TMEFF2: variants seen among roughly 807,000 people sequenced by gnomAD.
TMEFF2 encodes tomoregulin-2.
A neutral mutation model predicts 53.8 loss-of-function variants in TMEFF2; 28 were observed. The observed-to-expected ratio is 0.52, with a 90% CI of 0.39 to 0.71. The LOEUF (loss-of-function observed/expected upper bound fraction) is 0.71. Ranked by LOEUF, TMEFF2 falls within the 30% of genes least tolerant of loss-of-function variation. The probability of loss-of-function intolerance (pLI) is 0.00; values close to 1 mark genes in which losing one functional copy is unlikely to be tolerated. For synonymous variants in TMEFF2, 162 were observed against 166.3 expected, an observed-to-expected ratio of 0.97 and a Z score of 0.20; for missense variants, 353 against 455.2, an observed-to-expected ratio of 0.78 and a Z score of 2.04.
Position 191,949,694 on chromosome 2 carries a change from CTTT to C in TMEFF2, c.*614_*616del. The C allele has an allele frequency of 1.0e-6, 1 of 985,324 alleles. No homozygotes were observed. Among genetic ancestry groups the C allele is most frequent in the Non-Finnish European group, 1.2e-6 (1 of 829,908 alleles). The allele number at this position is 985,324 out of a possible 1,614,324, so 61.0% of individuals were successfully genotyped here. A position where few individuals can be genotyped will look rare whatever the true frequency, so the allele number is the denominator to read the frequency against. On this transcript the variant is annotated 3_prime_UTR_variant, in exon 10 of 10. Transcript: ENST00000272771. ...ATAAAACACTTTCCCTCCCCTTCTT[CTTT>C]TATTTAGTTTATATGCCAGAGATTT... is the stretch of plus-strand genomic sequence containing the variant.
At chr2:191,956,154 C>G (rs1692085679) in intron 8 of TMEFF2, 101 bp downstream of exon 8, 1 of 1,275,390 alleles carries the variant, frequency 7.8e-7, no homozygotes, top group Admixed American at 2.6e-5. Flanking sequence ...TGCTGATTAC[C>G]CATTCAAGAA....
At chr2:192,178,441 C>T (rs1203682144) in intron 4 of TMEFF2, 1 of 150,794 alleles carries the variant, frequency 6.6e-6, no homozygotes, top group Non-Finnish European at 1.5e-5. Flanking sequence ...ACTGTCCAGA[C>T]ATCAAAGGAC....
chr2:192,086,213 T>TA (rs1444735451), intron 4 of TMEFF2, among the ~76,000 whole-genome samples: 10 of 152,328 alleles, frequency 6.6e-5, no homozygotes, highest in African/African-American at 2.2e-4. Context: ...TATCCGGTTG[T>TA]TGGTTGACTT....
intron 4 of TMEFF2, among the ~76,000 whole-genome samples, chr2:192,149,953 T>C (rs1179457191): frequency 6.6e-6 from 1 of 151,980 alleles, no homozygotes; most frequent in African/African-American, 2.4e-5. Context: ...GTGCAACTTC[T>C]ATCTAACATT....
chr2:192,146,979 C>CT (rs1481745049), intron 4 of TMEFF2, among the ~76,000 whole-genome samples: 1 of 152,040 alleles, frequency 6.6e-6, no homozygotes, highest in African/African-American at 2.4e-5. Context: ...TCATACACAG[C>CT]TTTTATTTTT....
intron 5 of TMEFF2, among the ~76,000 whole-genome samples, chr2:192,037,273 T>TAAAGA (rs1687323080): frequency 1.1e-5 from 1 of 94,736 alleles, no homozygotes; most frequent in Non-Finnish European, 2.0e-5. Context: ...CTAGCCAAAA[T>TAAAGA]AAAGAAAGAA....
At chr2:192,116,251 T>C (rs755205923) in intron 4 of TMEFF2, among the ~76,000 whole-genome samples, 13 of 151,938 alleles carry the variant, frequency 8.6e-5, no homozygotes, top group Non-Finnish European at 1.6e-4. Context: ...AAATACTATA[T>C]AATCTCATAT....
chr2:191,989,688 T>TATA (rs984826776), intron 7 of TMEFF2, among the ~76,000 whole-genome samples: 6 of 152,118 alleles, frequency 3.9e-5, no homozygotes, highest in African/African-American at 1.4e-4. Flanking sequence ...CTATCCAAAG[T>TATA]ATAATTCTGG....
intron 5 of TMEFF2, among the ~76,000 whole-genome samples, chr2:192,044,697 G>A (rs1056826183): frequency 8.5e-5 from 13 of 152,112 alleles, no homozygotes; most frequent in Admixed American, 8.5e-4. Context: ...GCCTTTGATG[G>A]GCCCCCTATT....
intron 7 of TMEFF2, among the ~76,000 whole-genome samples, chr2:191,997,122 T>C (rs1686242243): frequency 6.6e-6 from 1 of 151,964 alleles, no homozygotes; most frequent in Non-Finnish European, 1.5e-5. Flanking sequence ...TCAAGGAACA[T>C]CTGTAAATTT....
At chr2:191,981,594 A>T (rs1284406354) in intron 7 of TMEFF2, among the ~76,000 whole-genome samples, 1 of 152,234 alleles carries the variant, frequency 6.6e-6, no homozygotes, top group Non-Finnish European at 1.5e-5. Flanking sequence ...TTTCTACTTT[A>T]GCATTCTTAA....
intron 5 of TMEFF2, among the ~76,000 whole-genome samples, chr2:192,018,556 T>C (rs1458209088): frequency 6.6e-6 from 1 of 152,112 alleles, no homozygotes; most frequent in Non-Finnish European, 1.5e-5. Context: ...TTCATCCTAT[T>C]GAATTGGTGT....
chr2:192,158,940 C>T (rs1295574418), intron 4 of TMEFF2, among the ~76,000 whole-genome samples: 1 of 152,020 alleles, frequency 6.6e-6, no homozygotes, highest in Non-Finnish European at 1.5e-5. Context: ...TATTGACTAC[C>T]TAACATAGGG....
In TMEFF2 at chr2:191,953,700, A is replaced by G; in HGVS notation, c.1007T>C (p.Val336Ala). The G allele has an allele frequency of 1.2e-6, 2 of 1,614,054 alleles. No individual in the cohort carries two copies. Among genetic ancestry groups the G allele is most frequent in the Non-Finnish European group, 1.7e-6 (2 of 1,179,968 alleles). ...IGTIQIAVIC[V>A]VVLCITRKCP... is the part of the protein sequence containing the mutation. The stretch of plus-strand genomic sequence containing the variant: ...TGACCTTGTGATGCAGAGGACCACC[A>G]CACAGATGACAGCAATCTGAATTGT... Residue 336 changes from valine (V) to alanine (A), a missense_variant, in exon 9 of 10, where the codon GTG becomes GCG. By Grantham distance (64) the Val-to-Ala change is moderately conservative (BLOSUM62 0). Coordinates refer to ENST00000272771, the MANE Select transcript of TMEFF2 (RefSeq NM_016192.4).
Position 192,062,115 on chromosome 2 carries a change from C to A in TMEFF2, c.440-4340G>T, listed in dbSNP as rs116150571. Among the ~76,000 whole-genome samples the A allele has an allele frequency of 4.4e-3, 672 of 152,178 alleles. 6 individuals carry two copies. Among genetic ancestry groups the A allele is most frequent in the African/African-American group, 0.016 (644 of 41,534 alleles). The stretch of plus-strand genomic sequence containing the variant: ...GCATATCAAGACACATAGAACAACT[C>A]TATCATCCCAGAAAGTTCCCTGGTT... On this transcript the variant is annotated intron_variant, in intron 4 of 9. Transcript: ENST00000272771.
chr2:192,136,166 T>C (rs1446326501), intron 4 of TMEFF2, among the ~76,000 whole-genome samples: 1 of 152,206 alleles, frequency 6.6e-6, no homozygotes, highest in Non-Finnish European at 1.5e-5. Flanking sequence ...AAACTCAGTA[T>C]TTCATGACCT....
intron 5 of TMEFF2, among the ~76,000 whole-genome samples, chr2:192,012,697 G>A (rs1686658928): frequency 6.6e-6 from 1 of 152,020 alleles, no homozygotes; most frequent in Non-Finnish European, 1.5e-5. Flanking sequence ...AAAAGTAACA[G>A]AATATAATTA....
At chr2:192,069,113 T>TGA (rs1334081115) in intron 4 of TMEFF2, among the ~76,000 whole-genome samples, 2 of 151,732 alleles carry the variant, frequency 1.3e-5, no homozygotes, top group Non-Finnish European at 2.9e-5. Context: ...CGACTCACAT[T>TGA]GAGAGACCCT....
intron 5 of TMEFF2, among the ~76,000 whole-genome samples, chr2:192,017,709 CT>C (rs1360871149): frequency 7.9e-5 from 12 of 152,156 alleles, no homozygotes; most frequent in Admixed American, 7.9e-4. Flanking sequence ...TATAGGCAGT[CT>C]CTTCAATTCA....
Sources: allele counts gnomAD v4.1 joint callset (sites outside exome capture counted in the v4.1 genomes callset), GRCh38; gene constraint gnomAD v4.1.1; transcripts MANE v1.5; gene names NCBI Gene and HGNC (gene_info 2026-07-23, HGNC 2026-07-21).